The following SLC6A3 variants were observed in gnomAD, a reference collection of about 807,000 sequenced individuals.
The protein encoded by SLC6A3 is sodium-dependent dopamine transporter.
SLC6A3 carries 19 observed loss-of-function variants against 70.4 expected under a neutral mutation model. The observed-to-expected ratio is 0.27, with a 90% CI of 0.19 to 0.40. SLC6A3 has a LOEUF of 0.40. SLC6A3 is among the 10% of genes least tolerant of loss of function. The pLI is 1.00. For synonymous variants in SLC6A3, 368 were observed against 356.6 expected (o/e 1.03, Z -0.36); for missense variants, 613 against 838.5 (o/e 0.73, Z 3.32).
At position 1,405,210 on chromosome 5, in the gene SLC6A3, G is replaced by A. The variant is rs960057902; in HGVS notation, c.1599+978C>T. Among the ~76,000 whole-genome samples, 4 of 152,224 alleles carry A rather than the reference G, an allele frequency of 2.6e-5. No homozygotes were observed. Among genetic ancestry groups the A allele is most frequent in the African/African-American group, 9.7e-5 (4 of 41,444 alleles). ...CTCAGACACGGTGGAATTTCTACAA[G>A]ATGCCGGGCAGGTTCTCTCACACTA... On this transcript the variant is annotated intron_variant, in intron 12 of 14. Transcript: ENST00000270349. This position sits in a 1 kb window ranked among gnomAD's most constrained non-coding sequence, Gnocchi z 5.3.
chr5:1,442,901 A>T lies in SLC6A3; in HGVS notation c.286+11T>A, dbSNP rs1733715775. On this transcript the variant is annotated intron_variant, in intron 2 of 14. Coordinates refer to ENST00000270349, the MANE Select transcript of SLC6A3 (RefSeq NM_001044.5). The surrounding 1 kb of genome is among the most constrained non-coding windows in gnomAD (Gnocchi z 5.0). ...GGCCAGCATGCTCAGGGAGGCTGAG[A>T]TGGGACTTACCGCCACCATTTTTGT... 1 of 1,613,978 alleles carries T rather than the reference A, an allele frequency of 6.2e-7. No homozygotes were observed. The highest frequency in any genetic ancestry group is 1.1e-5 in the South Asian group (1 of 91,082).
chr5:1,424,378 G>A (rs938018856), intron 4 of SLC6A3, among the ~76,000 whole-genome samples: 17 of 152,140 alleles, frequency 1.1e-4, no homozygotes, highest in African/African-American at 3.9e-4. Flanking sequence ...GCCAGTCCCC[G>A]TCGTTCTGCT....
chr5:1,443,067 C>T lies in SLC6A3; in HGVS notation c.131G>A (p.Ser44Asn), dbSNP rs768211541. The change falls in exon 2 of 15, where the codon AGC becomes AAC. Residue 44 changes from serine to asparagine, a missense_variant. This residue lies in a region of SLC6A3 where 111 missense variants were observed against 91.6 expected (regional missense o/e 1.21). Coordinates refer to ENST00000270349, the MANE Select transcript of SLC6A3 (RefSeq NM_001044.5). The part of the protein sequence containing the change: ...VKEQNGVQLT[S>N]STLTNPRQSP... ...CTGCCGCGGGTTGGTGAGGGTGGAG[C>T]TGGTGAGCTGCACTCCGTTCTGCTC... 1.2e-6 allele frequency: 2 copies of T among 1,614,240 alleles called. No individual in the cohort carries two copies. The highest frequency in any genetic ancestry group is 1.7e-6 in the Non-Finnish European group (2 of 1,180,040).
chr5:1,427,528 A>T (rs561801952), intron 4 of SLC6A3, among the ~76,000 whole-genome samples: 6 of 152,254 alleles, frequency 3.9e-5, no homozygotes, highest in Non-Finnish European at 8.8e-5. Flanking sequence ...CCATGCTGAC[A>T]ATTATTGAAT....
rs911472736 is a variant in SLC6A3 at position 1,421,593 on chromosome 5, C to T, written c.792+283G>A. On this transcript the variant is annotated intron_variant, in intron 5 of 14. Transcript: ENST00000270349. The surrounding 1 kb of genome is among the most constrained non-coding windows in gnomAD (Gnocchi z 7.2). ...TGTCCGCCCAGCCCAGCCACGGCCACGTGTCCCCCCACCCACCCATGGCCG... is the reference window on the plus strand; with the variant it reads ...TGTCCGCCCAGCCCAGCCACGGCCATGTGTCCCCCCACCCACCCATGGCCG... Among the ~76,000 whole-genome samples, 2 of 152,096 alleles carry T rather than the reference C, an allele frequency of 1.3e-5. No homozygotes were observed. The highest frequency in any genetic ancestry group is 2.9e-5 in the Non-Finnish European group (2 of 68,002).
rs910979168 is a variant in SLC6A3 at position 1,394,600 on chromosome 5, C to A, written c.*135G>T. On this transcript the variant is annotated 3_prime_UTR_variant, in exon 15 of 15. Coordinates refer to ENST00000270349, the MANE Select transcript of SLC6A3 (RefSeq NM_001044.5). The surrounding 1 kb of genome is among the most constrained non-coding windows in gnomAD (Gnocchi z 4.7). ...ACAGTCAGAAGAGAGGAGTCTTCTG[C>A]TTTGTTGTTTGTGTTTTCAGTAGAG... 3 of 889,910 alleles carry A rather than the reference C, an allele frequency of 3.4e-6. No homozygotes were observed. Among genetic ancestry groups the A allele is most frequent in the East Asian group, 4.8e-5 (2 of 41,652 alleles). The allele number at this position is 889,910 out of a possible 1,614,324, so 55.1% of individuals were successfully genotyped here.
In SLC6A3 at chr5:1,411,493, C is replaced by T; in HGVS notation, c.1157-138G>A. ...CTGGTGCGGCTCTGCTGAAAAGCCC[C>T]CTTCTATATGTCCAGCAGACCAGGC... On this transcript the variant is annotated intron_variant, in intron 8 of 14. Transcript: ENST00000270349. The surrounding 1 kb of genome is among the most constrained non-coding windows in gnomAD (Gnocchi z 6.5). 1 of 718,552 alleles carries T rather than the reference C, an allele frequency of 1.4e-6. No individual in the cohort carries two copies. Among genetic ancestry groups the T allele is most frequent in the Non-Finnish European group, 2.5e-6 (1 of 399,878 alleles). 44.5% of individuals were successfully genotyped at this position (718,552 alleles called of 1,614,324 possible).
In SLC6A3 at chr5:1,408,745, G is replaced by A. The variant is rs1756045709; in HGVS notation, c.1498+281C>T. Reference sequence around the variant, plus strand: ...TGATTGTGTTCCCCTGGGTGGGATGGGCTCACCGGTGCCTCTAGCGTGGAG... The same window carrying A: ...TGATTGTGTTCCCCTGGGTGGGATGAGCTCACCGGTGCCTCTAGCGTGGAG... On this transcript the variant is annotated intron_variant, in intron 11 of 14. Coordinates refer to ENST00000270349, the MANE Select transcript of SLC6A3 (RefSeq NM_001044.5). The surrounding 1 kb of genome is among the most constrained non-coding windows in gnomAD (Gnocchi z 6.4). Among the ~76,000 whole-genome samples, 1 of 152,220 alleles carries A rather than the reference G, an allele frequency of 6.6e-6. No homozygotes were observed. The highest frequency in any genetic ancestry group is 1.5e-5 in the Non-Finnish European group (1 of 68,036).
Position 1,403,050 on chromosome 5 carries a change from G to A in SLC6A3, c.1639C>T (p.His547Tyr), listed in dbSNP as rs781299950. 2.5e-6 allele frequency: 4 copies of A among 1,613,610 alleles called. No homozygotes were observed. The highest frequency in any genetic ancestry group is 2.5e-6 in the Non-Finnish European group (3 of 1,179,906). ...TCGGGGAAGATGTAGGCTCCGTAGT[G>A]GGGGGGTCTGAAGGTCACAATGCTG... ...VVSIVTFRPP[H>Y]YGAYIFPDWA... is the part of the protein sequence containing the mutation. The change falls in exon 13 of 15, where the codon CAC becomes TAC. Residue 547 changes from histidine to tyrosine, a missense_variant. This residue lies in a region of SLC6A3 where 348 missense variants were observed against 481.2 expected (regional missense o/e 0.72). Coordinates refer to ENST00000270349, the MANE Select transcript of SLC6A3 (RefSeq NM_001044.5).
Position 1,438,981 on chromosome 5 carries a change from A to G in SLC6A3, c.418+2378T>C, listed in dbSNP as rs1756904303. On this transcript the variant is annotated intron_variant, in intron 3 of 14. Transcript: ENST00000270349. The surrounding 1 kb of genome is among the most constrained non-coding windows in gnomAD (Gnocchi z 6.5). ...CAAGCTCAGCATCGCTTACGACTGC[A>G]GGCTCAGAGGCAGCACTCCTCTCTG... 1.3e-5 allele frequency among the ~76,000 whole-genome samples: 2 copies of G among 152,206 alleles called. No individual in the cohort carries two copies. Among genetic ancestry groups the G allele is most frequent in the Admixed American group, 6.5e-5 (1 of 15,286 alleles).
rs1185465656 is a variant in SLC6A3 at position 1,396,223 on chromosome 5, G to A, written c.1840-1465C>T. 2.0e-5 allele frequency among the ~76,000 whole-genome samples: 3 copies of A among 152,230 alleles called. No individual in the cohort carries two copies. The highest frequency in any genetic ancestry group is 6.5e-5 in the Admixed American group (1 of 15,286). On this transcript the variant is annotated intron_variant, in intron 14 of 14. Coordinates refer to ENST00000270349, the MANE Select transcript of SLC6A3 (RefSeq NM_001044.5). This position sits in a 1 kb window ranked among gnomAD's most constrained non-coding sequence, Gnocchi z 7.0. Reference sequence around the variant, plus strand: ...GGTTTGTTCACGTGACGGACGGTCAGGGACCAGTCACGGTAGGTGAAACGT... The same window carrying A: ...GGTTTGTTCACGTGACGGACGGTCAAGGACCAGTCACGGTAGGTGAAACGT...
rs758286981 is a variant in SLC6A3 at position 1,416,157 on chromosome 5, C to A, written c.972G>T (p.Val324=). The change falls in exon 7 of 15, where the codon GTG becomes GTT. Residue 324 remains valine, a synonymous_variant. Coordinates refer to ENST00000270349, the MANE Select transcript of SLC6A3 (RefSeq NM_001044.5). Reference sequence around the variant, plus strand: ...AGAAGGCGATCAGCACCCCGAACCCCACGCCCAGGGAGAAGCACACCTGGG... The same window carrying A: ...AGAAGGCGATCAGCACCCCGAACCCAACGCCCAGGGAGAAGCACACCTGGG... The part of the protein sequence containing the change: ...AATQVCFSLG[V]GFGVLIAFSS... 4.3e-6 allele frequency: 7 copies of A among 1,613,968 alleles called. 1 individual carries two copies. In the South Asian group the frequency reaches 6.6e-5, roughly 15 times the overall value.
In SLC6A3 at chr5:1,421,757, C is replaced by A; in HGVS notation, c.792+119G>T. 8.9e-7 allele frequency: 1 copy of A among 1,128,008 alleles called. No homozygotes were observed. Among genetic ancestry groups the A allele is most frequent in the Non-Finnish European group, 1.3e-6 (1 of 747,254 alleles). 69.9% of individuals were successfully genotyped at this position (1,128,008 alleles called of 1,614,324 possible). A position where few individuals can be genotyped will look rare whatever the true frequency, so the allele number is the denominator to read the frequency against. On this transcript the variant is annotated intron_variant, in intron 5 of 14. Transcript: ENST00000270349. The surrounding 1 kb of genome is among the most constrained non-coding windows in gnomAD (Gnocchi z 7.2). ...TGTGTCCACCCCAACCTGGCCATGG[C>A]CACATTGGTAGCACAAAACCCAACT...
chr5:1,409,843 C>T lies in SLC6A3; in HGVS notation c.1276G>A (p.Gly426Ser). 1 of 1,613,236 alleles carries T rather than the reference C, an allele frequency of 6.2e-7. No homozygotes were observed. The highest frequency in any genetic ancestry group is 1.1e-5 in the South Asian group (1 of 91,090). ...AGCCCGGTGATCACTGACTCCATAC[C>T]ACCCATCTGCACACAGAGCACAGGG... ...LTLGIDSAMGGMESVITGLID... is the reference protein window; with the variant it reads ...LTLGIDSAMGSMESVITGLID... Residue 426 changes from glycine to serine, a missense_variant, in exon 10 of 15, where the codon GGT becomes AGT. Transcript: ENST00000270349.
In SLC6A3 at chr5:1,421,785, G is replaced by A; in HGVS notation, c.792+91C>T. 2.1e-6 allele frequency: 3 copies of A among 1,418,740 alleles called. No individual in the cohort carries two copies. Among genetic ancestry groups the A allele is most frequent in the South Asian group, 2.3e-5 (2 of 87,204 alleles). The allele number at this position is 1,418,740 out of a possible 1,614,324, so 87.9% of individuals were successfully genotyped here. On this transcript the variant is annotated intron_variant, in intron 5 of 14. Transcript: ENST00000270349. This position sits in a 1 kb window ranked among gnomAD's most constrained non-coding sequence, Gnocchi z 7.2. ...CATTGGTAGCACAAAACCCAACTGAGGCCACACGTGCACCTCCTGTCCAGC... is the reference window on the plus strand; with the variant it reads ...CATTGGTAGCACAAAACCCAACTGAAGCCACACGTGCACCTCCTGTCCAGC...
chr5:1,414,658 G>T (rs2963253), intron 8 of SLC6A3, 33 bp downstream of exon 8: 1 of 1,609,928 alleles, frequency 6.2e-7, no homozygotes, highest in South Asian at 1.1e-5. Flanking sequence ...GGTGCTACAC[G>T]GAGCAGGCCC....
rs371074899 is a variant in SLC6A3, at chr5:1,394,690, C to G, written c.*45G>C. ...AGATTTCCTTGGTTTGTTCGTGTCT[C>G]TCCCATTGCAGGATGACTTCCTGGG... On this transcript the variant is annotated 3_prime_UTR_variant, in exon 15 of 15. Transcript: ENST00000270349. This position sits in a 1 kb window ranked among gnomAD's most constrained non-coding sequence, Gnocchi z 4.7. 15 of 1,593,536 alleles carry G rather than the reference C, an allele frequency of 9.4e-6. No homozygotes were observed. The highest frequency in any genetic ancestry group is 1.3e-5 in the Non-Finnish European group (15 of 1,161,304).
rs1315330658 is a variant in SLC6A3, at chr5:1,404,956, G to T, written c.1599+1232C>A. 6.6e-6 allele frequency among the ~76,000 whole-genome samples: 1 copy of T among 152,224 alleles called. No homozygotes were observed. Among genetic ancestry groups the T allele is most frequent in the Non-Finnish European group, 1.5e-5 (1 of 68,036 alleles). The stretch of plus-strand genomic sequence containing the variant: ...AGACACCCCCTCAAGGGGAGCCAAC[G>T]TCCTCATGCAAAACAGCTCAGTTTC... On this transcript the variant is annotated intron_variant, in intron 12 of 14. Transcript: ENST00000270349. This position sits in a 1 kb window ranked among gnomAD's most constrained non-coding sequence, Gnocchi z 5.2.
Position 1,401,029 on chromosome 5 carries a change from C to T in SLC6A3, c.1768-43G>A. 1 of 1,440,398 alleles carries T rather than the reference C, an allele frequency of 6.9e-7. No individual in the cohort carries two copies. Among genetic ancestry groups the T allele is most frequent in the Non-Finnish European group, 9.6e-7 (1 of 1,040,254 alleles). 89.2% of individuals were successfully genotyped at this position (1,440,398 alleles called of 1,614,324 possible). ...TGCAGGGGTCAGTGCAGACCAGTAC[C>T]CACTGCCAGCACCCACCACTGACTC... On this transcript the variant is annotated intron_variant, in intron 13 of 14. Transcript: ENST00000270349. The surrounding 1 kb of genome is among the most constrained non-coding windows in gnomAD (Gnocchi z 6.1).
Sources: allele counts gnomAD v4.1 joint callset (sites outside exome capture counted in the v4.1 genomes callset), GRCh38; gene constraint gnomAD v4.1.1; regional missense constraint gnomAD v4.1.1; non-coding constraint Gnocchi (gnomAD v3.1); transcripts MANE v1.5; gene names NCBI Gene and HGNC (gene_info 2026-07-23, HGNC 2026-07-21).